Variants in MACROD2 observed in about 807,000 individuals in gnomAD.
The protein encoded by MACROD2 is mono-ADP ribosylhydrolase 2.
MACROD2 carries 36 observed loss-of-function variants against 70.4 expected under a neutral mutation model. The ratio of observed to expected loss-of-function variants is 0.51; its 90% CI spans 0.39 to 0.68. MACROD2 has a LOEUF of 0.68. Among genes scored for constraint, MACROD2 ranks in the 30% least tolerant of loss-of-function variants. MACROD2 has a pLI of 0.00. For missense variants in MACROD2, 496 were observed against 538.4 expected (o/e 0.92, Z 0.78); for synonymous variants, 172 against 178.8 (o/e 0.96, Z 0.30).
chr20:14,759,086 G>C (rs1237073483), intron 5 of MACROD2, among the ~76,000 whole-genome samples: 1 of 151,954 alleles, frequency 6.6e-6, no homozygotes, highest in Non-Finnish European at 1.5e-5. Context: ...TTTGAAATGA[G>C]GTAGATTATT....
At chr20:15,754,635 A>C (rs574353313) in intron 8 of MACROD2, among the ~76,000 whole-genome samples, 1 of 150,544 alleles carries the variant, frequency 6.6e-6, no homozygotes, top group African/African-American at 2.4e-5. Context: ...CTAAAAAAGA[A>C]AAAAAAAAAG....
chr20:15,253,772 G>A (rs1444737765), intron 6 of MACROD2, among the ~76,000 whole-genome samples: 2 of 152,082 alleles, frequency 1.3e-5, no homozygotes, highest in African/African-American at 4.8e-5. Context: ...AGAGAGAATC[G>A]ACTGAGCTAC....
chr20:15,038,308 C>T (rs181193459), intron 5 of MACROD2, among the ~76,000 whole-genome samples: 6 of 152,046 alleles, frequency 3.9e-5, no homozygotes, highest in Admixed American at 2.6e-4. Flanking sequence ...ACTTTTATTT[C>T]CAACCATTTC....
chr20:16,009,049 T>C (rs1406251595), intron 15 of MACROD2, among the ~76,000 whole-genome samples: 1 of 151,896 alleles, frequency 6.6e-6, no homozygotes, highest in African/African-American at 2.4e-5. Flanking sequence ...GGCTTTGGTG[T>C]CTGGCAGATG....
chr20:15,052,078 A>G lies in MACROD2; in HGVS notation c.419-177862A>G, dbSNP rs184319583. On this transcript the variant is annotated intron_variant, in intron 5 of 17. Coordinates refer to ENST00000684519, the MANE Select transcript of MACROD2 (RefSeq NM_001351661.2). ...CCTATACCATCTTTTTATAATCTTC[A>G]AGGAATTTTCTTAAATCACCTGACT... 7.2e-4 allele frequency among the ~76,000 whole-genome samples: 110 copies of G among 152,120 alleles called. 1 individual carries two copies. The highest frequency in any genetic ancestry group is 3.4e-3 in the Middle Eastern group (1 of 294).
chr20:15,415,083 A>T (rs1204610363), intron 6 of MACROD2, among the ~76,000 whole-genome samples: 1 of 152,208 alleles, frequency 6.6e-6, no homozygotes. Flanking sequence ...CGGAAGTTAG[A>T]ACAAATAACT....
intron 3 of MACROD2, among the ~76,000 whole-genome samples, chr20:14,217,642 C>CT (rs1405621835): frequency 1.1e-4 from 17 of 151,824 alleles, no homozygotes; most frequent in African/African-American, 4.1e-4. Flanking sequence ...TGGTCCTGAA[C>CT]TTTTTTTTGT....
chr20:15,119,576 AAAAAGAT>A (rs2076016209), intron 5 of MACROD2, among the ~76,000 whole-genome samples: 1 of 152,226 alleles, frequency 6.6e-6, no homozygotes, highest in African/African-American at 2.4e-5. Flanking sequence ...AAAAGAAAGA[AAAAAGAT>A]TAAAGATTAA....
At chr20:14,380,913 C>T (rs2083414442) in intron 3 of MACROD2, among the ~76,000 whole-genome samples, 1 of 152,082 alleles carries the variant, frequency 6.6e-6, no homozygotes, top group Non-Finnish European at 1.5e-5. Flanking sequence ...CTATGTTATG[C>T]TTTTGTACTT....
rs117557089 is a variant in MACROD2 at position 15,405,966 on chromosome 20, C to T, written c.541-25439C>T. Among the ~76,000 whole-genome samples the T allele has an allele frequency of 3.9e-5, 6 of 152,268 alleles. No homozygotes were observed. In the East Asian group the frequency reaches 1.2e-3, roughly 29 times the overall value. On this transcript the variant is annotated intron_variant, in intron 6 of 17. Transcript: ENST00000684519. ...TCAGCGCTTCTTAGTGTCTGACACG[C>T]AGTAAGGACTCAGTGAGGACATGAT...
chr20:15,811,746 T>G (rs2063824018), intron 8 of MACROD2, among the ~76,000 whole-genome samples: 1 of 151,494 alleles, frequency 6.6e-6, no homozygotes, highest in Non-Finnish European at 1.5e-5. Context: ...GAATTCAGAG[T>G]AGGGGAGGAA....
chr20:14,799,613 T>A (rs2072550215), intron 5 of MACROD2, among the ~76,000 whole-genome samples: 1 of 152,066 alleles, frequency 6.6e-6, no homozygotes, highest in African/African-American at 2.4e-5. Flanking sequence ...AAAATAATAA[T>A]TTAGATGTCT....
At chr20:14,651,421 A>G (rs1291443094) in intron 4 of MACROD2, among the ~76,000 whole-genome samples, 1 of 152,174 alleles carries the variant, frequency 6.6e-6, no homozygotes, top group East Asian at 1.9e-4. Flanking sequence ...GGAAGAGAGG[A>G]CTGGGCTGCA....
intron 12 of MACROD2, among the ~76,000 whole-genome samples, chr20:15,956,772 C>T (rs570205444): frequency 8.5e-5 from 13 of 152,260 alleles, no homozygotes; most frequent in Admixed American, 4.6e-4. Flanking sequence ...CTAGCAAGCC[C>T]TTCCAGGGAT....
chr20:15,485,076 A>G lies in MACROD2; in HGVS notation c.572-14698A>G, dbSNP rs561009412. ...GAGTGACATCTTCCAAACTCCTTGC[A>G]TGTTGAACCGCCTATATATTGTTAT... On this transcript the variant is annotated intron_variant, in intron 7 of 17. Coordinates refer to ENST00000684519, the MANE Select transcript of MACROD2 (RefSeq NM_001351661.2). 1.1e-4 allele frequency among the ~76,000 whole-genome samples: 16 copies of G among 151,302 alleles called. No individual in the cohort carries two copies. In the East Asian group the frequency reaches 2.9e-3, roughly 28 times the overall value.
chr20:14,693,849 C>G (rs1023481922), intron 5 of MACROD2, among the ~76,000 whole-genome samples: 1 of 151,742 alleles, frequency 6.6e-6, no homozygotes, highest in African/African-American at 2.4e-5. Flanking sequence ...GTCTGTTAAG[C>G]CATATACGCA....
intron 3 of MACROD2, among the ~76,000 whole-genome samples, chr20:14,108,447 A>G (rs548226427): frequency 5.9e-4 from 89 of 151,824 alleles, no homozygotes; most frequent in African/African-American, 2.1e-3. Context: ...TAAGTCTCCA[A>G]TCAAAAGACA....
At chr20:14,974,449 T>C (rs1002164631) in intron 5 of MACROD2, among the ~76,000 whole-genome samples, 1 of 152,078 alleles carries the variant, frequency 6.6e-6, no homozygotes, top group Non-Finnish European at 1.5e-5. Context: ...TCAAGAAGTG[T>C]CTATTTACAA....
intron 4 of MACROD2, among the ~76,000 whole-genome samples, chr20:14,596,607 A>G (rs1358335736): frequency 6.6e-6 from 1 of 151,682 alleles, no homozygotes; most frequent in Non-Finnish European, 1.5e-5. Flanking sequence ...ATTTAACAAT[A>G]ACTTACCAAA....
Sources: gnomAD v4.1 joint callset for allele counts (sites outside exome capture counted in the v4.1 genomes callset) on GRCh38, gnomAD v4.1.1 for gene constraint, MANE v1.5 for transcripts, NCBI Gene and HGNC (gene_info 2026-07-23, HGNC 2026-07-21) for gene names.